Variants in MMRN1 observed in about 807,000 individuals in gnomAD.
The protein encoded by MMRN1 is multimerin 1, also known as multimerin-1.
Under a neutral mutation model 100.7 loss-of-function variants are expected in MMRN1, and 94 were observed. The observed-to-expected ratio is 0.93, with a 90% CI of 0.79 to 1.11. The LOEUF (loss-of-function observed/expected upper bound fraction) is 1.11, where lower values mean the gene tolerates loss of function less well. Among genes scored for constraint, MMRN1 ranks in the 50% least tolerant of loss-of-function variants. MMRN1 has a pLI of 0.00. For missense variants in MMRN1, 1,606 were observed against 1,439.1 expected (o/e 1.12, Z -1.88); for synonymous variants, 575 against 505.0 (o/e 1.14, Z -1.86).
upstream of MMRN1, among the ~76,000 whole-genome samples, chr4:89,893,860 A>G (rs1190492776): frequency 6.6e-6 from 1 of 152,142 alleles, no homozygotes; most frequent in Non-Finnish European, 1.5e-5. Flanking sequence ...ACAGACTGAT[A>G]TGAAATTTTA....
chr4:89,891,270 C>CT (rs557666993), upstream of MMRN1, among the ~76,000 whole-genome samples: 361 of 151,456 alleles, frequency 2.4e-3, 2 homozygotes, highest in African/African-American at 8.0e-3. Flanking sequence ...ATTTAGATTA[C>CT]TTTTTTTTTC....
intron 5 of MMRN1, among the ~76,000 whole-genome samples, chr4:89,933,617 G>A (rs142649636): frequency 7.6e-4 from 116 of 152,250 alleles, no homozygotes; most frequent in African/African-American, 2.6e-3. Flanking sequence ...CTTACACGGC[G>A]ACAAGCAAGA....
At chr4:89,881,293 AT>A (rs1418954523) in intron 1 of MMRN1, among the ~76,000 whole-genome samples, 1 of 152,098 alleles carries the variant, frequency 6.6e-6, no homozygotes, top group African/African-American at 2.4e-5. Context: ...ACATTTGTAA[AT>A]TTTAAGCAAA....
chr4:89,950,733 TA>T (rs1259093950), intron 6 of MMRN1, among the ~76,000 whole-genome samples: 1 of 152,000 alleles, frequency 6.6e-6, no homozygotes, highest in Non-Finnish European at 1.5e-5. Flanking sequence ...ATTTTTTATT[TA>T]AAAAATTAGA....
chr4:89,916,903 T>A (rs1721939530), intron 3 of MMRN1, among the ~76,000 whole-genome samples: 1 of 151,854 alleles, frequency 6.6e-6, no homozygotes, highest in South Asian at 2.1e-4. Flanking sequence ...AATTAAACTT[T>A]GATGCTCTTC....
chr4:89,892,462 G>GTTATTTAATGAGTATTAATTAGTCTCA, upstream of MMRN1, among the ~76,000 whole-genome samples: 1 of 151,788 alleles, frequency 6.6e-6, no homozygotes, highest in Non-Finnish European at 1.5e-5. Context: ...TTTCTTAATT[G>GTTATTTAATGAGTATTAATTAGTCTCA]TTATTTAATG....
chr4:89,894,796 A>G (rs2110577938), upstream of MMRN1: 1 of 1,183,280 alleles, frequency 8.5e-7, no homozygotes, highest in South Asian at 1.9e-5. Flanking sequence ...AACCCTACAG[A>G]AACAGGAAAC....
At chr4:89,903,819 A>G (rs926595807) in intron 1 of MMRN1, among the ~76,000 whole-genome samples, 1 of 151,124 alleles carries the variant, frequency 6.6e-6, no homozygotes, top group Non-Finnish European at 1.5e-5. Flanking sequence ...TTTTTCAGGG[A>G]AATTTTTCTT....
chr4:89,915,702 C>T (rs995110462), intron 3 of MMRN1, among the ~76,000 whole-genome samples: 4 of 151,116 alleles, frequency 2.6e-5, no homozygotes, highest in African/African-American at 7.3e-5. Context: ...GCTTCCATTG[C>T]AAGGGGAAAA....
In MMRN1 at chr4:89,953,663, G is replaced by T; in HGVS notation, c.*245G>T. On this transcript the variant is annotated 3_prime_UTR_variant, in exon 8 of 8. Transcript: ENST00000264790. ...CACAGAAAACAAAGTGAATTTGTTA[G>T]CATAATTATTCCTATTCTTATTTCT... 1 of 346,242 alleles carries T rather than the reference G, an allele frequency of 2.9e-6. No individual in the cohort carries two copies. The highest frequency in any genetic ancestry group is 5.2e-6 in the Non-Finnish European group (1 of 193,970). 21.4% of individuals were successfully genotyped at this position (346,242 alleles called of 1,614,324 possible).
At chr4:89,884,925 G>C (rs1720904310) in intron 1 of MMRN1, among the ~76,000 whole-genome samples, 1 of 151,994 alleles carries the variant, frequency 6.6e-6, no homozygotes, top group Non-Finnish European at 1.5e-5. Context: ...AGTTGTGAGA[G>C]CAAATATTTT....
intron 1 of MMRN1, among the ~76,000 whole-genome samples, chr4:89,888,440 C>T (rs1358374132): frequency 2.0e-5 from 3 of 148,808 alleles, no homozygotes; most frequent in African/African-American, 5.0e-5. Flanking sequence ...TGTGATATGG[C>T]GTGTTTTTTT....
At chr4:89,914,189 T>C (rs1721842645) in intron 3 of MMRN1, among the ~76,000 whole-genome samples, 1 of 151,420 alleles carries the variant, frequency 6.6e-6, no homozygotes, top group Non-Finnish European at 1.5e-5. Flanking sequence ...ATGCAGGGAA[T>C]ATCACCAGCT....
chr4:89,934,118 C>T (rs1018782455), intron 5 of MMRN1, among the ~76,000 whole-genome samples: 1 of 151,852 alleles, frequency 6.6e-6, no homozygotes, highest in Non-Finnish European at 1.5e-5. Flanking sequence ...TGTTTCATTA[C>T]TTGCAAGTTT....
rs751048381 is a variant in MMRN1 at position 89,953,301 on chromosome 4, T to C, written c.3570T>C (p.Asp1190=). The C allele has an allele frequency of 8.1e-6, 13 of 1,613,900 alleles. No homozygotes were observed. The highest frequency in any genetic ancestry group is 1.0e-5 in the Non-Finnish European group (12 of 1,179,844). The change falls in exon 8 of 8, where the codon GAT becomes GAC. Residue 1190 remains aspartate, a synonymous_variant. Transcript: ENST00000264790. ...EIHCDRVLTG[D]ALLELNYGQE... ...ACTGTGATAGGGTTTTAACTGGGGATGCCTTATTAGAATTAAATTATGGGC... is the reference window on the plus strand; with the variant it reads ...ACTGTGATAGGGTTTTAACTGGGGACGCCTTATTAGAATTAAATTATGGGC...
At chr4:89,903,675 G>A (rs1228670639) in intron 1 of MMRN1, among the ~76,000 whole-genome samples, 1 of 151,762 alleles carries the variant, frequency 6.6e-6, no homozygotes, top group African/African-American at 2.4e-5. Flanking sequence ...AATCGTGTGA[G>A]GTAGATAATA....
At position 89,936,409 on chromosome 4, in the gene MMRN1, C is replaced by G. The variant is rs756317713; in HGVS notation, c.2729C>G (p.Ser910Cys). ...AGATTTAAGGCGTTGGAAGCAAAAT[C>G]TATCCATCTTTCAATTAACTTCTTT... ...NSRFKALEAKSIHLSINFFSL... is the reference protein window; with the variant it reads ...NSRFKALEAKCIHLSINFFSL... The change falls in exon 6 of 8, where the codon TCT (serine) becomes TGT (cysteine). Residue 910 changes from serine to cysteine, a missense_variant. Transcript: ENST00000264790. 1.8e-5 allele frequency: 29 copies of G among 1,609,540 alleles called. No homozygotes were observed. Among genetic ancestry groups the G allele is most frequent in the African/African-American group, 1.3e-4 (10 of 74,640 alleles).
At chr4:89,882,960 C>A (rs1347311258) in intron 1 of MMRN1, among the ~76,000 whole-genome samples, 1 of 152,002 alleles carries the variant, frequency 6.6e-6, no homozygotes, top group Non-Finnish European at 1.5e-5. Context: ...TGATTTCTAT[C>A]ATTGTAAATT....
At chr4:89,920,745 C>T (rs1397555526) in intron 3 of MMRN1, among the ~76,000 whole-genome samples, 1 of 151,942 alleles carries the variant, frequency 6.6e-6, no homozygotes, top group Non-Finnish European at 1.5e-5. Flanking sequence ...GAAAGCTTAG[C>T]AATTTGTTCA....
Sources: gnomAD v4.1 joint callset for allele counts (sites outside exome capture counted in the v4.1 genomes callset) on GRCh38, gnomAD v4.1.1 for gene constraint, MANE v1.5 for transcripts, NCBI Gene and HGNC (gene_info 2026-07-23, HGNC 2026-07-21) for gene names.